SNRPG: variants seen among roughly 807,000 people sequenced by gnomAD.
SNRPG encodes the protein small nuclear ribonucleoprotein G.
Under a neutral mutation model 13.9 loss-of-function variants are expected in SNRPG, and 3 were observed. That is an observed-to-expected ratio of 0.22 (90% CI 0.10 to 0.56). The LOEUF is 0.56. SNRPG is among the 20% of genes least tolerant of loss of function. The pLI is 0.93. For synonymous variants in SNRPG, 29 were observed against 29.3 expected, an observed-to-expected ratio of 0.99 and a Z score of 0.03; for missense variants, 34 against 96.1, an observed-to-expected ratio of 0.35 and a Z score of 2.70.
At chr2:70,290,149 A>G (rs978370885) in intron 1 of SNRPG, among the ~76,000 whole-genome samples, 3 of 151,934 alleles carry the variant, frequency 2.0e-5, no homozygotes, top group African/African-American at 4.8e-5. Context: ...ATCTGGTCTC[A>G]TTGACCTAAT....
chr2:70,281,640 T>C lies in SNRPG; in HGVS notation c.225A>G (p.Arg75=), dbSNP rs1245488576. The C allele has an allele frequency of 9.5e-6, 15 of 1,572,222 alleles. No homozygotes were observed. Among genetic ancestry groups the C allele is most frequent in the Non-Finnish European group, 1.3e-5 (15 of 1,147,374 alleles). Residue 75 remains arginine (R), a synonymous_variant, in exon 4 of 4, where the codon CGA becomes CGG. Transcript: ENST00000272348. The part of the protein sequence containing the change: ...NSIIMLEALE[R]V ...TCTGCTGAACAGCCATTATTTATAC[T>C]CGTTCCAAGGCTTCTAACATGATGA... is the stretch of plus-strand genomic sequence containing the variant.
chr2:70,291,491 G>A (rs113777905), intron 1 of SNRPG, among the ~76,000 whole-genome samples: 16 of 152,232 alleles, frequency 1.1e-4, no homozygotes, highest in African/African-American at 3.9e-4. Flanking sequence ...TATTGTTGGG[G>A]GCAGTCGAAT....
At chr2:70,293,442 C>T (rs1413096214) in intron 1 of SNRPG, 176 bp downstream of exon 1, 10 of 699,102 alleles carry the variant, frequency 1.4e-5, no homozygotes, top group Non-Finnish European at 2.4e-5. Flanking sequence ...GACGCGCGAG[C>T]TCTGCGCGGG....
At chr2:70,289,629 G>A (rs1259823474) in intron 1 of SNRPG, among the ~76,000 whole-genome samples, 2 of 152,124 alleles carry the variant, frequency 1.3e-5, no homozygotes, top group Non-Finnish European at 1.5e-5. Flanking sequence ...TGGGCAACAT[G>A]GTGAAACCCC....
At chr2:70,290,824 A>G (rs972261495) in intron 1 of SNRPG, among the ~76,000 whole-genome samples, 31 of 13,846 alleles carry the variant, frequency 2.2e-3, no homozygotes, top group African/African-American at 3.8e-3. Flanking sequence ...CGTCTCTACT[A>G]AAAAAAAAAA....
At chr2:70,282,548 CAA>C (rs534306668) in intron 3 of SNRPG, among the ~76,000 whole-genome samples, 79 of 152,202 alleles carry the variant, frequency 5.2e-4, no homozygotes, top group Middle Eastern at 3.4e-3. Context: ...AATCAGGAAA[CAA>C]AGATAGTTGG....
intron 1 of SNRPG, among the ~76,000 whole-genome samples, chr2:70,292,292 T>C (rs183754732): frequency 4.7e-4 from 71 of 152,044 alleles, no homozygotes; most frequent in Admixed American, 3.4e-3. Context: ...AAAATATACA[T>C]AGAAGTAGTT....
At chr2:70,283,122 A>AAAAAACC in intron 3 of SNRPG, among the ~76,000 whole-genome samples, 1 of 82,962 alleles carries the variant, frequency 1.2e-5, no homozygotes, top group Non-Finnish European at 2.5e-5. Flanking sequence ...AAAAAAAAAA[A>AAAAAACC]AACAACAAAC....
chr2:70,292,838 G>A (rs916325781), intron 1 of SNRPG: 5 of 336,054 alleles, frequency 1.5e-5, no homozygotes. Context: ...AAGCAAAACA[G>A]AAACGTAGTC....
intron 3 of SNRPG, chr2:70,287,867 G>C (rs1031103940): frequency 1.7e-6 from 1 of 586,602 alleles, no homozygotes; most frequent in Admixed American, 3.1e-5. Flanking sequence ...TAGGACCTTA[G>C]GTTCTGTATA....
At position 70,293,321 on chromosome 2, in the gene SNRPG, G is replaced by A. The variant is rs1278694608; in HGVS notation, c.32+297C>T. 20 of 655,138 alleles carry A rather than the reference G, an allele frequency of 3.1e-5. No homozygotes were observed. The East Asian group carries it at 4.9e-4, about 16-fold the overall frequency. 40.6% of individuals were successfully genotyped at this position (655,138 alleles called of 1,614,324 possible). A position where few individuals can be genotyped will look rare whatever the true frequency, so the allele number is the denominator to read the frequency against. On this transcript the variant is annotated intron_variant, in intron 1 of 3. Transcript: ENST00000272348. The stretch of plus-strand genomic sequence containing the variant: ...GAGATGTTCAACAAAAGGTAGCACT[G>A]GAGATCTTCAAGGAACGAGGGACAG...
At chr2:70,292,096 C>T (rs1353265170) in intron 1 of SNRPG, among the ~76,000 whole-genome samples, 2 of 151,702 alleles carry the variant, frequency 1.3e-5, no homozygotes, top group African/African-American at 2.4e-5. Context: ...TACAAGCGCC[C>T]GCCACCAAGC....
At chr2:70,292,162 G>GATCTCCAT (rs1697117731) in intron 1 of SNRPG, among the ~76,000 whole-genome samples, 1 of 152,026 alleles carries the variant, frequency 6.6e-6, no homozygotes, top group African/African-American at 2.4e-5. Context: ...TAGCCATGAT[G>GATCTCCAT]ATCTCCATCT....
chr2:70,281,719 C>T (rs1351766370), intron 3 of SNRPG, 35 bp from the exon 4 acceptor site: 1 of 1,147,154 alleles, frequency 8.7e-7, no homozygotes, highest in Non-Finnish European at 1.3e-6. Flanking sequence ...AAAAGAACAA[C>T]TCAGGTAACA....
intron 3 of SNRPG, among the ~76,000 whole-genome samples, chr2:70,285,253 A>G (rs1373213747): frequency 2.0e-5 from 3 of 152,178 alleles, no homozygotes; most frequent in South Asian, 2.1e-4. Context: ...CGAATCTTCT[A>G]TCTGTGAGAT....
rs1190368806 is a variant in SNRPG at position 70,283,105 on chromosome 2, A to AC, written c.181-1422_181-1421insG. 6.3e-3 allele frequency among the ~76,000 whole-genome samples: 925 copies of AC among 146,264 alleles called. 64 individuals carry two copies. The highest frequency in any genetic ancestry group is 0.023 in the African/African-American group (884 of 39,174). On this transcript the variant is annotated intron_variant, in intron 3 of 3. Coordinates refer to ENST00000272348, the MANE Select transcript of SNRPG (RefSeq NM_003096.4). The stretch of plus-strand genomic sequence containing the variant: ...CGAAACTGTCTTTTGTCAAAAAAAA[A>AC]AAAAAAAAAAAAAAAAAAACAACAA...
At chr2:70,281,772 TGG>T (rs2104906521) in intron 3 of SNRPG, 88 bp from the exon 4 acceptor site, 1 of 757,322 alleles carries the variant, frequency 1.3e-6, no homozygotes, top group South Asian at 1.7e-5. Flanking sequence ...AAATCATTAA[TGG>T]TTTTTTAATA....
intron 1 of SNRPG, chr2:70,293,078 C>T: frequency 1.4e-6 from 1 of 701,542 alleles, no homozygotes; most frequent in Non-Finnish European, 2.6e-6. Context: ...CAAGATAACA[C>T]ATGACATTCA....
At chr2:70,282,016 T>G (rs1343831276) in intron 3 of SNRPG, among the ~76,000 whole-genome samples, 2 of 151,968 alleles carry the variant, frequency 1.3e-5, no homozygotes, top group Non-Finnish European at 2.9e-5. Context: ...GCCACCCAGG[T>G]TCAAGCAATC....
Sources: gnomAD v4.1 joint callset for allele counts (sites outside exome capture counted in the v4.1 genomes callset) on GRCh38, gnomAD v4.1.1 for gene constraint, MANE v1.5 for transcripts, NCBI Gene and HGNC (gene_info 2026-07-23, HGNC 2026-07-21) for gene names.